WDR17: variants seen among roughly 807,000 people sequenced by gnomAD.
WDR17 encodes WD repeat-containing protein 17.
In WDR17, 143 loss-of-function variants were observed where a neutral mutation model predicts 161.7. The ratio of observed to expected loss-of-function variants is 0.88; its 90% CI spans 0.77 to 1.02. The LOEUF (loss-of-function observed/expected upper bound fraction) is 1.02. Ranked by LOEUF, WDR17 falls within the 50% of genes least tolerant of loss-of-function variation. The pLI, the probability that WDR17 is intolerant of heterozygous loss-of-function variation, is 0.00. For synonymous variants in WDR17, 517 were observed against 515.6 expected (o/e 1.00, Z -0.04); for missense variants, 1,469 against 1,520.9 (o/e 0.97, Z 0.57).
chr4:176,093,332 A>T (rs935245609), intron 1 of WDR17, among the ~76,000 whole-genome samples: 2 of 152,130 alleles, frequency 1.3e-5, no homozygotes, highest in Admixed American at 1.3e-4. Context: ...AATAGAAATA[A>T]TAGTCCTGAA....
intron 1 of WDR17, among the ~76,000 whole-genome samples, chr4:176,083,640 A>C (rs1735037885): frequency 6.6e-6 from 1 of 152,144 alleles, no homozygotes; most frequent in Non-Finnish European, 1.5e-5. Context: ...AATACTGTGA[A>C]TATTCTAATA....
chr4:176,138,056 A>C (rs17062511), intron 9 of WDR17, among the ~76,000 whole-genome samples: 38,531 of 151,498 alleles, frequency 0.25, 5,075 homozygotes, highest in African/African-American at 0.3. Context: ...TATTCCGTGC[A>C]GAGCCTTAGA....
intron 1 of WDR17, among the ~76,000 whole-genome samples, chr4:176,095,857 T>G (rs1215956958): frequency 6.6e-6 from 1 of 152,100 alleles, no homozygotes; most frequent in Non-Finnish European, 1.5e-5. Flanking sequence ...AATATCTTAC[T>G]CATCATGGCT....
At chr4:176,167,661 A>AAC (rs1554036557) in intron 22 of WDR17, among the ~76,000 whole-genome samples, 2 of 113,736 alleles carry the variant, frequency 1.8e-5, no homozygotes, top group African/African-American at 6.5e-5. Flanking sequence ...AAAAAAAAAA[A>AAC]AAAAAAAAAA....
intron 3 of WDR17, among the ~76,000 whole-genome samples, chr4:176,118,369 A>G (rs1043217927): frequency 6.6e-6 from 1 of 152,130 alleles, no homozygotes; most frequent in Non-Finnish European, 1.5e-5. Flanking sequence ...AGAGTACCTC[A>G]TCTCTTTTTT....
At chr4:176,161,989 T>G in intron 20 of WDR17, 86 bp from the exon 21 acceptor site, 1 of 1,169,714 alleles carries the variant, frequency 8.5e-7, no homozygotes, top group Non-Finnish European at 1.2e-6. Flanking sequence ...TATTTGGTCT[T>G]TTTATCATAC....
At chr4:176,174,560 G>A in intron 25 of WDR17, 57 bp from the exon 26 acceptor site, 1 of 1,258,416 alleles carries the variant, frequency 7.9e-7, no homozygotes, top group South Asian at 1.3e-5. Context: ...GTGTATCAGA[G>A]TAATGTTCTA....
chr4:176,171,845 T>A (rs192933728), intron 23 of WDR17, among the ~76,000 whole-genome samples: 42 of 152,286 alleles, frequency 2.8e-4, no homozygotes, highest in African/African-American at 8.7e-4. Flanking sequence ...AATCTCCATT[T>A]CATGGCATTT....
At chr4:176,076,590 GTTTT>G (rs1675349418) in intron 1 of WDR17, among the ~76,000 whole-genome samples, 1 of 151,216 alleles carries the variant, frequency 6.6e-6, no homozygotes, top group Non-Finnish European at 1.5e-5. Context: ...TTTTGGAAGA[GTTTT>G]TTCACTTTGT....
chr4:176,155,196 A>T (rs1327541166), intron 17 of WDR17, among the ~76,000 whole-genome samples: 2 of 152,030 alleles, frequency 1.3e-5, no homozygotes, highest in Non-Finnish European at 2.9e-5. Context: ...TATTTTAGTT[A>T]CTATTTCTTT....
chr4:176,099,746 C>A (rs1213033185), intron 1 of WDR17, among the ~76,000 whole-genome samples: 3 of 152,060 alleles, frequency 2.0e-5, no homozygotes, highest in Non-Finnish European at 2.9e-5. Context: ...CCTCCCACTC[C>A]TTCACACTTT....
intron 28 of WDR17, among the ~76,000 whole-genome samples, chr4:176,179,139 A>C (rs73005163): frequency 1.3e-5 from 2 of 152,182 alleles, no homozygotes; most frequent in African/African-American, 4.8e-5. Flanking sequence ...CTTTTATAGA[A>C]TAGGTAAACT....
chr4:176,111,039 T>A (rs929319835), intron 1 of WDR17, among the ~76,000 whole-genome samples: 18 of 152,236 alleles, frequency 1.2e-4, no homozygotes, highest in Non-Finnish European at 2.6e-4. Flanking sequence ...AAATAGATTT[T>A]GTGAGGATGA....
At chr4:176,147,725 T>C (rs1275202502) in intron 12 of WDR17, among the ~76,000 whole-genome samples, 1 of 152,110 alleles carries the variant, frequency 6.6e-6, no homozygotes, top group Non-Finnish European at 1.5e-5. Flanking sequence ...CGGCACATTG[T>C]GCACATGTAC....
At chr4:176,153,829 T>C (rs1042316027) in intron 17 of WDR17, among the ~76,000 whole-genome samples, 1 of 152,206 alleles carries the variant, frequency 6.6e-6, no homozygotes, top group African/African-American at 2.4e-5. Context: ...TAATAACATG[T>C]GCCATTTTAA....
At position 176,167,644 on chromosome 4, in the gene WDR17, CAAAAAAAAAAAAA is replaced by C. The variant is rs34187946; in HGVS notation, c.2991-1012_2991-1000del. On this transcript the variant is annotated intron_variant, in intron 22 of 28. Transcript: ENST00000508596. ...CCTGGGCGACAGCGAGACTCCGTCT[CAAAAAAAAAAAAA>C]AAAAAAAAAAAAAAACAATATCTTG... is the stretch of plus-strand genomic sequence containing the variant. Among the ~76,000 whole-genome samples, 6 of 23,832 alleles carry C rather than the reference CAAAAAAAAAAAAA, an allele frequency of 2.5e-4. 2 individuals carry two copies. In the South Asian group the frequency reaches 0.013, roughly 52 times the overall value. 15.6% of individuals were successfully genotyped at this position (23,832 alleles called of 152,430 possible). A position where few individuals can be genotyped will look rare whatever the true frequency, so the allele number is the denominator to read the frequency against.
intron 1 of WDR17, among the ~76,000 whole-genome samples, chr4:176,075,191 T>G (rs1733806310): frequency 9.4e-6 from 1 of 106,032 alleles, no homozygotes; most frequent in Non-Finnish European, 2.4e-5. Flanking sequence ...TTATGATCTA[T>G]TTTAACAAAA....
chr4:176,076,053 T>C (rs1733928285), intron 1 of WDR17, among the ~76,000 whole-genome samples: 1 of 151,952 alleles, frequency 6.6e-6, no homozygotes, highest in African/African-American at 2.4e-5. Flanking sequence ...GGGAATTTTG[T>C]GCAGTGGTGA....
At chr4:176,128,404 TG>T (rs1742792338) in intron 5 of WDR17, among the ~76,000 whole-genome samples, 1 of 141,248 alleles carries the variant, frequency 7.1e-6, no homozygotes, top group African/African-American at 2.7e-5. Context: ...GAGTTTTCTG[TG>T]GCTGGCCTTT....
Sources: allele counts gnomAD v4.1 joint callset (sites outside exome capture counted in the v4.1 genomes callset), GRCh38; gene constraint gnomAD v4.1.1; transcripts MANE v1.5; gene names NCBI Gene and HGNC (gene_info 2026-07-23, HGNC 2026-07-21).